The following WDFY4 variants were observed in gnomAD, a reference collection of about 807,000 sequenced individuals.
WDFY4 encodes the protein WD repeat- and FYVE domain-containing protein 4.
A neutral mutation model predicts 351.9 loss-of-function variants in WDFY4; 169 were observed. The observed-to-expected ratio is 0.48, with a 90% confidence interval of 0.42 to 0.55. The LOEUF is 0.55. Among genes scored for constraint, WDFY4 ranks in the 20% least tolerant of loss-of-function variants. WDFY4 has a pLI of 0.00. For missense variants in WDFY4, 3,803 were observed against 3,935.6 expected, an observed-to-expected ratio of 0.97 and a Z score of 0.90; for synonymous variants, 1,622 against 1,574.6, an observed-to-expected ratio of 1.03 and a Z score of -0.71.
rs117014913 is a variant in WDFY4 at position 48,773,443 on chromosome 10, C to T, written c.2554-1015C>T. On this transcript the variant is annotated intron_variant, in intron 13 of 61. Transcript: ENST00000325239. ...AAGGAACATCCCACCCAATCCAAAC[C>T]CTTTATCCAGCCTGGGAAGGATAAT... is the stretch of plus-strand genomic sequence containing the variant. Among the ~76,000 whole-genome samples, 47 of 152,308 alleles carry T rather than the reference C, an allele frequency of 3.1e-4. No homozygotes were observed. In the East Asian group the frequency reaches 8.3e-3, roughly 27 times the overall value.
At chr10:48,902,155 G>A (rs538495754) in intron 47 of WDFY4, among the ~76,000 whole-genome samples, 29 of 152,392 alleles carry the variant, frequency 1.9e-4, no homozygotes, top group Admixed American at 5.2e-4. Flanking sequence ...GAGGTGTGGA[G>A]TCAGGCCCAG....
intron 40 of WDFY4, among the ~76,000 whole-genome samples, chr10:48,873,110 T>C (rs2069848750): frequency 6.6e-6 from 1 of 152,196 alleles, no homozygotes; most frequent in Non-Finnish European, 1.5e-5. Context: ...TACATTCAGC[T>C]TCACTTTTGA....
chr10:48,824,002 G>A, intron 35 of WDFY4: 1 of 985,420 alleles, frequency 1.0e-6, no homozygotes, highest in Non-Finnish European at 1.2e-6. Flanking sequence ...TTTTCTATCG[G>A]ACTGAAAAAC....
chr10:48,820,919 C>T lies in WDFY4; in HGVS notation c.5710-143C>T, dbSNP rs567659248. 8.3e-4 allele frequency: 497 copies of T among 596,892 alleles called. 9 individuals are homozygous for T. The South Asian group carries it at 9.5e-3, about 11-fold the overall frequency. The allele number at this position is 596,892 out of a possible 1,614,324, so 37.0% of individuals were successfully genotyped here. On this transcript the variant is annotated intron_variant, in intron 33 of 61. Transcript: ENST00000325239. ...AGGCAGCTCAGTCACAGAGGGTGGG[C>T]CCCCAGAGAAGGGAAAATTGTGAGC...
intron 47 of WDFY4, among the ~76,000 whole-genome samples, chr10:48,911,727 C>A (rs1480184806): frequency 6.6e-6 from 1 of 152,142 alleles, no homozygotes; most frequent in Admixed American, 6.5e-5. Context: ...AGCTGACATA[C>A]TGTAGAATGA....
chr10:48,881,965 C>A (rs2070268343), intron 43 of WDFY4, among the ~76,000 whole-genome samples: 2 of 152,356 alleles, frequency 1.3e-5, no homozygotes, highest in South Asian at 4.1e-4. Context: ...GATTTCTGAG[C>A]CTTCCTATGG....
chr10:48,771,403 A>G (rs187726180), intron 13 of WDFY4, among the ~76,000 whole-genome samples: 8 of 152,282 alleles, frequency 5.3e-5, no homozygotes, highest in African/African-American at 1.9e-4. Flanking sequence ...GGCAATTTCC[A>G]TCTCTGGGCT....
intron 12 of WDFY4, among the ~76,000 whole-genome samples, chr10:48,743,783 A>C (rs534150347): frequency 1.9e-4 from 29 of 152,168 alleles, no homozygotes; most frequent in African/African-American, 6.3e-4. Flanking sequence ...GTCGAGTCAC[A>C]TAAGAACCAG....
At chr10:48,704,083 G>T (rs575171674) in intron 1 of WDFY4, among the ~76,000 whole-genome samples, 1 of 152,114 alleles carries the variant, frequency 6.6e-6, no homozygotes, top group South Asian at 2.1e-4. Context: ...ACAGACTCTG[G>T]GCTCCTGTGG....
intron 30 of WDFY4, among the ~76,000 whole-genome samples, 200 bp downstream of exon 30, chr10:48,811,908 G>A (rs1269412292): frequency 6.6e-6 from 1 of 152,014 alleles, no homozygotes; most frequent in Non-Finnish European, 1.5e-5. Flanking sequence ...TGACTTCCTC[G>A]GCCTCTGCTC....
Position 48,782,878 on chromosome 10 carries a change from G to A in WDFY4, c.3576+2759G>A, listed in dbSNP as rs1002022328. On this transcript the variant is annotated intron_variant, in intron 19 of 61. Transcript: ENST00000325239. Reference sequence around the variant, plus strand: ...TTTATTAGGCAACCTGAATGGGGCAGTGTGCATACACTGGGAATTTGGAAG... The same window carrying A: ...TTTATTAGGCAACCTGAATGGGGCAATGTGCATACACTGGGAATTTGGAAG... Among the ~76,000 whole-genome samples the A allele has an allele frequency of 2.0e-5, 3 of 152,186 alleles. No homozygotes were observed. In the South Asian group the frequency reaches 6.2e-4, roughly 31 times the overall value.
chr10:48,855,729 CCT>C (rs1388514648), intron 39 of WDFY4, among the ~76,000 whole-genome samples: 2 of 151,994 alleles, frequency 1.3e-5, no homozygotes. Flanking sequence ...ACAGTAGTCC[CCT>C]CTTACTCACA....
At chr10:48,781,292 GTA>G (rs917600779) in intron 19 of WDFY4, among the ~76,000 whole-genome samples, 6 of 151,046 alleles carry the variant, frequency 4.0e-5, no homozygotes, top group African/African-American at 1.2e-4. Flanking sequence ...GTGTGTGTGT[GTA>G]TATATATATA....
intron 49 of WDFY4, among the ~76,000 whole-genome samples, chr10:48,945,429 C>A (rs959063994): frequency 4.6e-5 from 7 of 152,238 alleles, no homozygotes; most frequent in Admixed American, 2.6e-4. Context: ...TAAAGAAATG[C>A]AAACCCCAGC....
In WDFY4 at chr10:48,836,076, G is replaced by A. The variant is rs76863255; in HGVS notation, c.6663+3367G>A. ...CTCAACTCTGTGAGATGCCTTTGTC[G>A]CTAACAGAAGGCACAACTTCTCAGG... On this transcript the variant is annotated intron_variant, in intron 39 of 61. Coordinates refer to ENST00000325239, the MANE Select transcript of WDFY4 (RefSeq NM_001394531.1). 4.4e-3 allele frequency among the ~76,000 whole-genome samples: 672 copies of A among 152,296 alleles called. 3 individuals are homozygous for A. Among genetic ancestry groups the A allele is most frequent in the African/African-American group, 0.015 (620 of 41,562 alleles).
intron 47 of WDFY4, among the ~76,000 whole-genome samples, chr10:48,903,017 G>C (rs1016061642): frequency 6.6e-6 from 1 of 152,126 alleles, no homozygotes; most frequent in Admixed American, 6.5e-5. Flanking sequence ...GGCTGAGGTG[G>C]GAGAATCGCT....
At chr10:48,968,209 G>A (rs918770587) in intron 55 of WDFY4, 6 of 152,302 alleles carry the variant, frequency 3.9e-5, no homozygotes, top group Non-Finnish European at 7.3e-5. Context: ...CCATGAAGTG[G>A]TGTCTGTCAC....
At chr10:48,833,141 A>ATGTGTG (rs1227956041) in intron 39 of WDFY4, among the ~76,000 whole-genome samples, 3,156 of 141,292 alleles carry the variant, frequency 0.022, 49 homozygotes, top group African/African-American at 0.047. Context: ...GGCACCAACA[A>ATGTGTG]TGTGTGTGTG....
chr10:48,726,331 A>G (rs1243695471), intron 6 of WDFY4, among the ~76,000 whole-genome samples: 3 of 152,192 alleles, frequency 2.0e-5, no homozygotes, highest in Non-Finnish European at 2.9e-5. Flanking sequence ...GGATCTCACT[A>G]TGCACACACT....
Sources: gnomAD v4.1 joint callset for allele counts (sites outside exome capture counted in the v4.1 genomes callset) on GRCh38, gnomAD v4.1.1 for gene constraint, MANE v1.5 for transcripts, NCBI Gene and HGNC (gene_info 2026-07-23, HGNC 2026-07-21) for gene names.